SFMBT1: variants seen among roughly 807,000 people sequenced by gnomAD.
The protein encoded by SFMBT1 is scm-like with four MBT domains protein 1.
SFMBT1 carries 32 observed loss-of-function variants against 108.7 expected under a neutral mutation model. The ratio of observed to expected loss-of-function variants is 0.29; its 90% CI spans 0.22 to 0.40. The LOEUF is 0.40. Ranked by LOEUF, SFMBT1 falls within the 10% of genes least tolerant of loss-of-function variation. The probability of loss-of-function intolerance (pLI) is 1.00; values close to 1 mark genes in which losing one functional copy is unlikely to be tolerated. For synonymous variants in SFMBT1, 348 were observed against 369.5 expected, an observed-to-expected ratio of 0.94 and a Z score of 0.67; for missense variants, 816 against 1,059.6, an observed-to-expected ratio of 0.77 and a Z score of 3.19.
intron 8 of SFMBT1, 106 bp from the exon 9 acceptor site, chr3:52,928,447 T>A: frequency 8.9e-7 from 1 of 1,128,652 alleles, no homozygotes; most frequent in Non-Finnish European, 1.2e-6. Flanking sequence ...ATGTGGGTAT[T>A]AATAATACTA....
In SFMBT1 at chr3:52,905,109, A is replaced by T. The variant is rs747313525; in HGVS notation, c.*27T>A. The T allele has an allele frequency of 1.2e-6, 2 of 1,611,334 alleles. No homozygotes were observed. The highest frequency in any genetic ancestry group is 1.7e-6 in the Non-Finnish European group (2 of 1,178,630). On this transcript the variant is annotated 3_prime_UTR_variant, in exon 21 of 21. Coordinates refer to ENST00000394752, the MANE Select transcript of SFMBT1 (RefSeq NM_016329.4). ...AGGATTTGCTGCATTTGTGCTTCAA[A>T]GATCCAGCTCACTTTGGTTGTCCTT...
intron 2 of SFMBT1, among the ~76,000 whole-genome samples, chr3:52,968,715 C>G (rs367808031): frequency 6.6e-6 from 1 of 151,410 alleles, no homozygotes; most frequent in Non-Finnish European, 1.5e-5. Context: ...TTCTCCTGCC[C>G]GAGTAGCTGG....
chr3:52,953,589 A>G (rs1384806013), intron 3 of SFMBT1, among the ~76,000 whole-genome samples: 3 of 152,264 alleles, frequency 2.0e-5, no homozygotes, highest in African/African-American at 7.2e-5. Flanking sequence ...CAGGCTGCAC[A>G]GGCCACTAAT....
chr3:52,934,509 C>T lies in SFMBT1; in HGVS notation c.453+304G>A, dbSNP rs189624902. ...GGAGTTACAAATGTCCACCCTCAAGCAGAATCGACCTCTGCTCAGTTTCAG... is the reference window on the plus strand; with the variant it reads ...GGAGTTACAAATGTCCACCCTCAAGTAGAATCGACCTCTGCTCAGTTTCAG... On this transcript the variant is annotated intron_variant, in intron 5 of 20. Transcript: ENST00000394752. Among the ~76,000 whole-genome samples the T allele has an allele frequency of 2.3e-3, 343 of 151,108 alleles. 1 individual carries two copies. The highest frequency in any genetic ancestry group is 7.4e-3 in the African/African-American group (303 of 41,110).
chr3:52,978,895 C>A (rs1704612820), intron 1 of SFMBT1, among the ~76,000 whole-genome samples: 1 of 151,948 alleles, frequency 6.6e-6, no homozygotes, highest in African/African-American at 2.4e-5. Flanking sequence ...ATAAAATGAC[C>A]ACAGAGGCAA....
At chr3:53,008,088 T>C (rs897376709) in intron 1 of SFMBT1, among the ~76,000 whole-genome samples, 1 of 144,082 alleles carries the variant, frequency 6.9e-6, no homozygotes, top group Non-Finnish European at 1.5e-5. Context: ...AAAAAGGCGG[T>C]GGGGAAAGGA....
chr3:52,961,575 A>G (rs1437415191), intron 2 of SFMBT1, among the ~76,000 whole-genome samples: 2 of 152,234 alleles, frequency 1.3e-5, no homozygotes, highest in African/African-American at 4.8e-5. Flanking sequence ...AAAAAAGGTG[A>G]AAGTGGTAAA....
intron 14 of SFMBT1, among the ~76,000 whole-genome samples, chr3:52,914,632 T>G (rs2106769349): frequency 6.6e-6 from 1 of 152,282 alleles, no homozygotes; most frequent in East Asian, 1.9e-4. Context: ...TAGTCCCAGC[T>G]ACTCGGGAGG....
intron 9 of SFMBT1, among the ~76,000 whole-genome samples, chr3:52,927,311 C>A (rs934314290): frequency 2.0e-5 from 3 of 152,310 alleles, no homozygotes; most frequent in African/African-American, 7.2e-5. Context: ...AAGCTCAATG[C>A]CTGGCTTACA....
intron 2 of SFMBT1, among the ~76,000 whole-genome samples, chr3:52,968,080 C>T (rs1420036259): frequency 6.6e-6 from 1 of 152,190 alleles, no homozygotes; most frequent in Non-Finnish European, 1.5e-5. Context: ...AACCAAACTG[C>T]AGTACATTCA....
At chr3:52,953,679 A>G (rs1575398908) in intron 3 of SFMBT1, among the ~76,000 whole-genome samples, 1 of 152,222 alleles carries the variant, frequency 6.6e-6, no homozygotes, top group African/African-American at 2.4e-5. Context: ...AATTACTTTC[A>G]ATGAATGCAA....
intron 1 of SFMBT1, among the ~76,000 whole-genome samples, chr3:52,975,042 T>C (rs1001378545): frequency 2.0e-5 from 3 of 151,318 alleles, no homozygotes; most frequent in African/African-American, 7.3e-5. Context: ...CTTTTCATGA[T>C]TTTATAAACC....
At chr3:53,011,127 T>C (rs1257627867) in intron 1 of SFMBT1, among the ~76,000 whole-genome samples, 1 of 152,088 alleles carries the variant, frequency 6.6e-6, no homozygotes, top group Non-Finnish European at 1.5e-5. Flanking sequence ...CAAAATTAGC[T>C]GCCAAAAAAG....
chr3:53,038,777 G>T (rs933330445), intron 1 of SFMBT1, among the ~76,000 whole-genome samples: 2 of 152,150 alleles, frequency 1.3e-5, no homozygotes, highest in African/African-American at 4.8e-5. Flanking sequence ...TTTTAAACAC[G>T]TACTAGTTTT....
intron 1 of SFMBT1, among the ~76,000 whole-genome samples, chr3:53,008,739 A>T (rs1698836272): frequency 6.6e-6 from 1 of 150,900 alleles, no homozygotes; most frequent in South Asian, 2.1e-4. Flanking sequence ...TACTTACACC[A>T]TTCTCCTGCC....
At chr3:53,033,978 G>C (rs1051486894) in intron 1 of SFMBT1, among the ~76,000 whole-genome samples, 28 of 149,744 alleles carry the variant, frequency 1.9e-4, no homozygotes, top group Admixed American at 6.7e-4. Context: ...GCTGAGGCAG[G>C]AGAACTGCTT....
rs776282458 is a variant in SFMBT1 at position 52,913,448 on chromosome 3, A to C, written c.1620+30T>G. ...CATAGGAGAATGCTGTGAAATTTCC[A>C]AGTTATTTTGCTCTAGGCCAGAACC... On this transcript the variant is annotated intron_variant, in intron 15 of 20. Coordinates refer to ENST00000394752, the MANE Select transcript of SFMBT1 (RefSeq NM_016329.4). 5.6e-6 allele frequency: 9 copies of C among 1,600,276 alleles called. No individual in the cohort carries two copies. In the East Asian group the frequency reaches 1.1e-4, roughly 20 times the overall value.
chr3:52,975,113 T>C (rs1419724116), intron 1 of SFMBT1, among the ~76,000 whole-genome samples: 1 of 151,638 alleles, frequency 6.6e-6, no homozygotes, highest in Non-Finnish European at 1.5e-5. Flanking sequence ...ATAAAACCAC[T>C]GAAAAAGTTC....
chr3:52,973,467 GAAC>G (rs1575412405), intron 1 of SFMBT1, among the ~76,000 whole-genome samples: 1 of 152,002 alleles, frequency 6.6e-6, no homozygotes, highest in Non-Finnish European at 1.5e-5. Context: ...TACTAAAAAA[GAAC>G]AACAACTAAA....
Sources: allele counts gnomAD v4.1 joint callset (sites outside exome capture counted in the v4.1 genomes callset), GRCh38; gene constraint gnomAD v4.1.1; transcripts MANE v1.5; gene names NCBI Gene and HGNC (gene_info 2026-07-23, HGNC 2026-07-21).